SYT1: variants seen among roughly 807,000 people sequenced by gnomAD.
SYT1 encodes the protein synaptotagmin-1.
A neutral mutation model predicts 44.8 loss-of-function variants in SYT1; 8 were observed. The observed-to-expected ratio is 0.18, with a 90% confidence interval of 0.10 to 0.32. The LOEUF (loss-of-function observed/expected upper bound fraction) is 0.32. Ranked by LOEUF, SYT1 falls within the 10% of genes least tolerant of loss-of-function variation. The probability of loss-of-function intolerance (pLI) is 1.00; values close to 1 mark genes in which losing one functional copy is unlikely to be tolerated. For missense variants in SYT1, 286 were observed against 509.3 expected (o/e 0.56, Z 4.22); for synonymous variants, 154 against 188.8 (o/e 0.82, Z 1.51).
At chr12:79,079,829 G>C (rs533660753) in intron 3 of SYT1, among the ~76,000 whole-genome samples, 1 of 152,202 alleles carries the variant, frequency 6.6e-6, no homozygotes, top group Non-Finnish European at 1.5e-5. Context: ...TGTAGTGGCT[G>C]TTAACATTGA....
chr12:79,066,585 A>G (rs1321509455), intron 3 of SYT1, among the ~76,000 whole-genome samples: 2 of 152,152 alleles, frequency 1.3e-5, no homozygotes, highest in South Asian at 4.1e-4. Context: ...AAATGGCATT[A>G]CCTTGCAGTA....
At chr12:79,353,996 A>G (rs1883014818) in intron 9 of SYT1, among the ~76,000 whole-genome samples, 2 of 152,218 alleles carry the variant, frequency 1.3e-5, no homozygotes, top group Non-Finnish European at 2.9e-5. Context: ...AATGTTTTCC[A>G]TGAGACTTAT....
At chr12:79,032,440 G>A (rs868551693) in intron 2 of SYT1, among the ~76,000 whole-genome samples, 2 of 151,186 alleles carry the variant, frequency 1.3e-5, no homozygotes, top group Non-Finnish European at 3.0e-5. Context: ...ATGTTTGCCT[G>A]TTTTATAGAA....
chr12:79,068,234 C>G (rs549363861), intron 3 of SYT1, among the ~76,000 whole-genome samples: 1 of 152,128 alleles, frequency 6.6e-6, no homozygotes, highest in African/African-American at 2.4e-5. Flanking sequence ...GGCTAGACAG[C>G]TCTATTTCCT....
rs1466871659 is a variant in SYT1, at chr12:78,989,833, A to C, written c.-84+11902A>C. Among the ~76,000 whole-genome samples the C allele has an allele frequency of 2.0e-5, 3 of 152,130 alleles. No homozygotes were observed. In the East Asian group the frequency reaches 5.8e-4, roughly 29 times the overall value. On this transcript the variant is annotated intron_variant, in intron 2 of 10. Coordinates refer to ENST00000261205, the MANE Select transcript of SYT1 (RefSeq NM_005639.3). ...GAAGGTAACCTTCCATGTCTGCTAC[A>C]GGAGACATTCTCTTACAGATTTTAT...
At chr12:79,393,645 T>C (rs1235615232) in intron 9 of SYT1, 5 of 152,178 alleles carry the variant, frequency 3.3e-5, no homozygotes, top group Non-Finnish European at 7.3e-5. Context: ...CACTTTTTGA[T>C]GGGATTGTTT....
At chr12:79,372,634 T>A (rs1034045906) in intron 9 of SYT1, among the ~76,000 whole-genome samples, 1 of 152,176 alleles carries the variant, frequency 6.6e-6, no homozygotes, top group Non-Finnish European at 1.5e-5. Context: ...TGACAGTATT[T>A]CTGAACAAGC....
chr12:79,249,330 TCCTGACCTCATGATCCACCCGCCTCGG>T (rs1342257564), intron 4 of SYT1, among the ~76,000 whole-genome samples: 1 of 151,410 alleles, frequency 6.6e-6, no homozygotes, highest in Non-Finnish European at 1.5e-5. Flanking sequence ...GGTCTCGATC[TCCTGACCTCATGATCCACCCGCCTCGG>T]CCTCCCAAAG....
rs144182965 is a variant in SYT1 at position 79,023,353 on chromosome 12, T to C, written c.-83-23944T>C. ...TCTGTCTCCCACAAAACCTGAGGGGTGGGGCTTTAGAGAGACCATCTGGAG... is the reference window on the plus strand; with the variant it reads ...TCTGTCTCCCACAAAACCTGAGGGGCGGGGCTTTAGAGAGACCATCTGGAG... On this transcript the variant is annotated intron_variant, in intron 2 of 10. Transcript: ENST00000261205. 5.6e-3 allele frequency among the ~76,000 whole-genome samples: 856 copies of C among 151,780 alleles called. 14 individuals are homozygous for C. Among genetic ancestry groups the C allele is most frequent in the African/African-American group, 0.02 (821 of 41,458 alleles).
At chr12:79,130,824 G>C (rs957783804) in intron 3 of SYT1, among the ~76,000 whole-genome samples, 13 of 152,090 alleles carry the variant, frequency 8.5e-5, no homozygotes, top group African/African-American at 2.9e-4. Context: ...TGAATTTATA[G>C]CAGGCTAACT....
chr12:79,197,976 GAT>G, intron 3 of SYT1, among the ~76,000 whole-genome samples: 1 of 152,108 alleles, frequency 6.6e-6, no homozygotes, highest in East Asian at 1.9e-4. Context: ...GAAAAAATAA[GAT>G]AATACTAATA....
chr12:79,229,784 G>A (rs1376621084), intron 4 of SYT1, among the ~76,000 whole-genome samples: 7 of 151,786 alleles, frequency 4.6e-5, no homozygotes, highest in Non-Finnish European at 8.8e-5. Flanking sequence ...TAGTAGAGAC[G>A]GGGTTTCATC....
chr12:79,409,215 C>G (rs773772540), intron 9 of SYT1, among the ~76,000 whole-genome samples: 13 of 152,136 alleles, frequency 8.5e-5, no homozygotes, highest in Non-Finnish European at 1.8e-4. Context: ...AAATTTATTT[C>G]TAGCCAAGAA....
At chr12:79,178,233 T>C (rs1872020395) in intron 3 of SYT1, among the ~76,000 whole-genome samples, 1 of 111,546 alleles carries the variant, frequency 9.0e-6, no homozygotes, top group South Asian at 2.6e-4. Context: ...TTCTATCATT[T>C]CCTTTACATT....
At chr12:79,133,869 C>T (rs1301118993) in intron 3 of SYT1, among the ~76,000 whole-genome samples, 1 of 152,180 alleles carries the variant, frequency 6.6e-6, no homozygotes, top group South Asian at 2.1e-4. Flanking sequence ...AGAACTCCTG[C>T]TCTAAATCTC....
At chr12:79,329,818 A>C (rs1881776465) in intron 8 of SYT1, among the ~76,000 whole-genome samples, 1 of 152,218 alleles carries the variant, frequency 6.6e-6, no homozygotes, top group South Asian at 2.1e-4. Flanking sequence ...CACTGTATCC[A>C]TTGACCTTCA....
intron 2 of SYT1, among the ~76,000 whole-genome samples, chr12:79,032,130 T>C (rs1872866759): frequency 1.3e-5 from 2 of 151,136 alleles, no homozygotes; most frequent in Admixed American, 6.6e-5. Context: ...CAAGGTAAAT[T>C]CTGAGTGAGA....
At chr12:78,902,908 TG>T (rs1409974406) in intron 1 of SYT1, among the ~76,000 whole-genome samples, 1 of 152,176 alleles carries the variant, frequency 6.6e-6, no homozygotes, top group Non-Finnish European at 1.5e-5. Flanking sequence ...CACCATTTTC[TG>T]AAAGTCATTT....
intron 3 of SYT1, among the ~76,000 whole-genome samples, chr12:79,091,145 A>G (rs1392438877): frequency 1.3e-5 from 2 of 152,002 alleles, no homozygotes; most frequent in Non-Finnish European, 2.9e-5. Flanking sequence ...TTTGGATGGC[A>G]TATTTTGGTT....
Sources: allele counts gnomAD v4.1 joint callset (sites outside exome capture counted in the v4.1 genomes callset), GRCh38; gene constraint gnomAD v4.1.1; transcripts MANE v1.5; gene names NCBI Gene and HGNC (gene_info 2026-07-23, HGNC 2026-07-21).